Variants in DIO2 observed in about 807,000 individuals in gnomAD.
The protein encoded by DIO2 is type II iodothyronine deiodinase.
DIO2 carries 19 observed loss-of-function variants against 21.4 expected under a neutral mutation model. The ratio of observed to expected loss-of-function variants is 0.89; its 90% CI spans 0.62 to 1.30. DIO2 has a LOEUF of 1.30. DIO2 is among the 50% of genes most tolerant of loss of function. The pLI is 0.00. For missense variants in DIO2, 302 were observed against 338.1 expected (o/e 0.89, Z 0.84); for synonymous variants, 122 against 132.9 (o/e 0.92, Z 0.57).
upstream of DIO2, chr14:80,215,994 CGGGAGGGCA>C (rs1199968830): frequency 6.6e-6 from 1 of 152,240 alleles, no homozygotes; most frequent in African/African-American, 2.4e-5. Flanking sequence ...AACTTGGGGG[CGGGAGGGCA>C]GGCTGACGCC....
In DIO2 at chr14:80,217,324, C is replaced by G. The variant is rs544440503; in HGVS notation, c.-277-587G>C. ...TAATCTCTCAAAACCTTTTTAAGCT[C>G]GTGGTACTCTTAAAATAATGGTTCA... On this transcript the variant is annotated intron_variant, in intron 2 of 4. Transcript: ENST00000553594. Among the ~76,000 whole-genome samples the G allele has an allele frequency of 2.6e-5, 4 of 152,204 alleles. No individual in the cohort carries two copies. In the South Asian group the frequency reaches 6.2e-4, roughly 24 times the overall value.
chr14:80,204,834 A>G (rs149191033), intron 1 of DIO2, among the ~76,000 whole-genome samples: 63 of 152,290 alleles, frequency 4.1e-4, no homozygotes, highest in Non-Finnish European at 8.2e-4. Flanking sequence ...AACTGTAGAG[A>G]AAGAATTAAA....
rs1887769720 is a variant in DIO2 at position 80,202,503 on chromosome 14, TACTC to T, written c.*182_*185del. On this transcript the variant is annotated 3_prime_UTR_variant, in exon 2 of 2. Transcript: ENST00000438257. ...TAAGAAGAGAGGTGATATGGTTACT[TACTC>T]AGCCCAATGCCATTTGAGTAGTGAA... is the stretch of plus-strand genomic sequence containing the variant. The T allele has an allele frequency of 1.4e-6, 1 of 736,144 alleles. No homozygotes were observed. The highest frequency in any genetic ancestry group is 2.4e-6 in the Non-Finnish European group (1 of 423,834). The allele number at this position is 736,144 out of a possible 1,614,324, so 45.6% of individuals were successfully genotyped here.
intron 2 of DIO2, among the ~76,000 whole-genome samples, chr14:80,223,958 C>G (rs1414327469): frequency 6.6e-6 from 1 of 152,172 alleles, no homozygotes; most frequent in Non-Finnish European, 1.5e-5. Context: ...TCACAGGCCA[C>G]CAAGCAAGTA....
At chr14:80,211,801 A>G (rs1219915324), upstream of DIO2, 1 of 143,618 alleles carries the variant, frequency 7.0e-6, no homozygotes. Context: ...AAAAAAAAAA[A>G]AAAGCTGGCG....
intron 2 of DIO2, among the ~76,000 whole-genome samples, chr14:80,224,560 C>G (rs1455434436): frequency 6.8e-6 from 1 of 147,068 alleles, no homozygotes; most frequent in African/African-American, 2.5e-5. Context: ...AGATGGAACA[C>G]AATGAGACTT....
chr14:80,206,100 C>A, intron 1 of DIO2: 1 of 664,030 alleles, frequency 1.5e-6, no homozygotes, highest in Non-Finnish European at 2.5e-6. Context: ...TGTTGAGGAG[C>A]CAGGGTCCCT....
intron 1 of DIO2, among the ~76,000 whole-genome samples, chr14:80,206,977 C>T (rs935397340): frequency 6.6e-6 from 1 of 152,082 alleles, no homozygotes; most frequent in African/African-American, 2.4e-5. Flanking sequence ...CTTGAAGTTC[C>T]GATGTTCCCA....
chr14:80,212,664 T>C (rs1022842459), upstream of DIO2, among the ~76,000 whole-genome samples: 9 of 152,148 alleles, frequency 5.9e-5, no homozygotes, highest in African/African-American at 2.2e-4. Context: ...CTCCAACCCT[T>C]TGTAAGATCT....
rs143144220 is a variant in DIO2, at chr14:80,203,244, G to C, written c.267C>G (p.Val89=). 1,356 of 1,604,534 alleles carry C rather than the reference G, an allele frequency of 8.5e-4. 9 individuals are homozygous for C. The African/African-American group carries it at 0.016, about 19-fold the overall frequency. The part of the protein sequence containing the change: ...EDAPNSSVVH[V]SSTEGGDNSG... Reference sequence around the variant, plus strand: ...TGTTGTCACCTCCTTCTGTACTGGAGACATGCACCACACTGGAATTGGGGG... The same window carrying C: ...TGTTGTCACCTCCTTCTGTACTGGACACATGCACCACACTGGAATTGGGGG... Residue 89 remains valine, a synonymous_variant, in exon 2 of 2, where the codon GTC becomes GTG. Coordinates refer to ENST00000438257, the MANE Select transcript of DIO2 (RefSeq NM_013989.5).
At position 80,202,175 on chromosome 14, in the gene DIO2, C is replaced by T. The variant is rs1594872110; in HGVS notation, c.*514G>A. The T allele has an allele frequency of 2.7e-6, 1 of 375,020 alleles. No individual in the cohort carries two copies. The highest frequency in any genetic ancestry group is 2.0e-5 in the South Asian group (1 of 49,224). 23.2% of individuals were successfully genotyped at this position (375,020 alleles called of 1,614,324 possible). On this transcript the variant is annotated 3_prime_UTR_variant, in exon 2 of 2. Transcript: ENST00000438257. ...CTAGAAGCTGGAACATCAGAAATGA[C>T]TCTAACATAAGGTCTAACCTTAACA...
chr14:80,220,520 G>A (rs900387201), intron 2 of DIO2, among the ~76,000 whole-genome samples: 18 of 152,016 alleles, frequency 1.2e-4, no homozygotes, highest in Non-Finnish European at 2.1e-4. Context: ...GGGTTGGCCA[G>A]GTACCTCACC....
In DIO2 at chr14:80,203,296, TAAAAAA is replaced by T; in HGVS notation, c.223-14_223-9del. On this transcript the variant is annotated splice_polypyrimidine_tract_variant and intron_variant, in intron 1 of 1. Coordinates refer to ENST00000438257, the MANE Select transcript of DIO2 (RefSeq NM_013989.5). ...ATCCTCACCCAATTTCACCTGACGG[TAAAAAA>T]AAAAAAAAAGAAGAAGAAGAAGAAG... The T allele has an allele frequency of 1.4e-6, 2 of 1,393,802 alleles. No individual in the cohort carries two copies. The highest frequency in any genetic ancestry group is 9.4e-7 in the Non-Finnish European group (1 of 1,062,644). 86.3% of individuals were successfully genotyped at this position (1,393,802 alleles called of 1,614,324 possible).
intron 2 of DIO2, among the ~76,000 whole-genome samples, chr14:80,230,545 T>C (rs1310637674): frequency 1.3e-5 from 2 of 152,204 alleles, no homozygotes; most frequent in Non-Finnish European, 2.9e-5. Flanking sequence ...AGCTTCATTA[T>C]GTTCCTTGAT....
chr14:80,226,298 C>T (rs1369530213), intron 2 of DIO2, among the ~76,000 whole-genome samples: 1 of 152,186 alleles, frequency 6.6e-6, no homozygotes, highest in Non-Finnish European at 1.5e-5. Context: ...CATGGTAAGA[C>T]CAGTGAATTC....
upstream of DIO2, among the ~76,000 whole-genome samples, chr14:80,213,298 G>T (rs1399223444): frequency 2.6e-5 from 4 of 152,170 alleles, no homozygotes; most frequent in Admixed American, 1.3e-4. Context: ...CTGAGTTTTA[G>T]ATACTGGGTA....
chr14:80,205,815 G>A (rs1316612497), intron 1 of DIO2: 13 of 822,814 alleles, frequency 1.6e-5, no homozygotes, highest in Non-Finnish European at 1.9e-5. Context: ...TAGGATTAGG[G>A]TTAGACTGGG....
At chr14:80,204,953 C>T (rs903063515) in intron 1 of DIO2, among the ~76,000 whole-genome samples, 3 of 152,120 alleles carry the variant, frequency 2.0e-5, no homozygotes, top group Admixed American at 6.5e-5. Flanking sequence ...AGAAAGGAAG[C>T]TGCTGGTGTG....
rs1457783743 is a variant in DIO2, at chr14:80,202,819, C to T, written c.692G>A (p.Cys231Tyr). Reference sequence around the variant, plus strand: ...AGCAATTTTCTGTCTCTGCACAATGCACACACGTTCAAAGGCTACCCCGTA... The same window carrying T: ...AGCAATTTTCTGTCTCTGCACAATGTACACACGTTCAAAGGCTACCCCGTA... Reference protein sequence around the residue: ...IAYGVAFERVCIVQRQKIAYL... With the variant: ...IAYGVAFERVYIVQRQKIAYL... The change falls in exon 2 of 2, where the codon TGC becomes TAC. Residue 231 changes from cysteine to tyrosine, a missense_variant. Coordinates refer to ENST00000438257, the MANE Select transcript of DIO2 (RefSeq NM_013989.5). The T allele has an allele frequency of 6.2e-7, 1 of 1,613,984 alleles. No individual in the cohort carries two copies.
Sources: gnomAD v4.1 joint callset for allele counts (sites outside exome capture counted in the v4.1 genomes callset) on GRCh38, gnomAD v4.1.1 for gene constraint, MANE v1.5 for transcripts, NCBI Gene and HGNC (gene_info 2026-07-23, HGNC 2026-07-21) for gene names.